Variants in XDH observed in about 807,000 individuals in gnomAD.
XDH encodes xanthine dehydrogenase, also known as xanthine dehydrogenase/oxidase.
In XDH, 138 loss-of-function variants were observed where a neutral mutation model predicts 156.1. That is an observed-to-expected ratio of 0.88 (90% CI 0.77 to 1.02). The LOEUF is 1.02. Among genes scored for constraint, XDH ranks in the 50% least tolerant of loss-of-function variants. XDH has a pLI of 0.00. For missense variants in XDH, 1,849 were observed against 1,684.9 expected (o/e 1.10, Z -1.71); for synonymous variants, 669 against 625.7 (o/e 1.07, Z -1.03).
At chr2:31,398,757 A>G in intron 4 of XDH, 58 bp from the exon 5 acceptor site, 2 of 1,608,258 alleles carry the variant, frequency 1.2e-6, no homozygotes, top group South Asian at 2.2e-5. Flanking sequence ...AGGCTCCCCA[A>G]AGGACTCGAC....
intron 30 of XDH, among the ~76,000 whole-genome samples, chr2:31,345,296 G>T (rs908157685): frequency 6.6e-5 from 10 of 151,996 alleles, no homozygotes; most frequent in African/African-American, 2.2e-4. Context: ...TCCCTAACTG[G>T]CCATTATAAA....
chr2:31,386,702 C>T (rs1310637736), intron 8 of XDH, 147 bp from the exon 9 acceptor site: 2 of 1,105,698 alleles, frequency 1.8e-6, no homozygotes, highest in Admixed American at 4.0e-5. Flanking sequence ...GTAATATGTT[C>T]AGAGGCAGGA....
intron 24 of XDH, among the ~76,000 whole-genome samples, chr2:31,358,367 A>G (rs941008525): frequency 2.6e-5 from 4 of 152,186 alleles, no homozygotes; most frequent in Non-Finnish European, 5.9e-5. Flanking sequence ...AATTCTACAC[A>G]ATCTGTTCTA....
intron 1 of XDH, 118 bp downstream of exon 1, chr2:31,414,507 A>C: frequency 7.0e-7 from 1 of 1,434,794 alleles, no homozygotes; most frequent in East Asian, 2.3e-5. Context: ...GAGAGAGAGA[A>C]AGACAGAACA....
chr2:31,395,184 G>T (rs954418585), intron 6 of XDH, among the ~76,000 whole-genome samples: 1 of 152,028 alleles, frequency 6.6e-6, no homozygotes, highest in Non-Finnish European at 1.5e-5. Context: ...TGAAGGAGAA[G>T]TATCCTATAG....
At position 31,383,229 on chromosome 2, in the gene XDH, CTTTCCAGCAACTGG is replaced by C. The variant is rs1374905151; in HGVS notation, c.887-91_887-78del. 88 of 1,605,598 alleles carry C rather than the reference CTTTCCAGCAACTGG, an allele frequency of 5.5e-5. No homozygotes were observed. In the African/African-American group the frequency reaches 1.0e-3, roughly 19 times the overall value. ...GCTTTCATGCACAGCTCCTCTGAAG[CTTTCCAGCAACTGG>C]AGCAAGGCTGAATCAGGACTCACAG... is the stretch of plus-strand genomic sequence containing the variant. On this transcript the variant is annotated intron_variant, in intron 10 of 35. Coordinates refer to ENST00000379416, the MANE Select transcript of XDH (RefSeq NM_000379.4).
chr2:31,373,630 G>A (rs553963322), intron 16 of XDH, among the ~76,000 whole-genome samples: 1 of 152,056 alleles, frequency 6.6e-6, no homozygotes, highest in African/African-American at 2.4e-5. Flanking sequence ...AAAAAAATCT[G>A]TAAGGAAGAG....
intron 15 of XDH, among the ~76,000 whole-genome samples, chr2:31,374,968 A>G (rs1351601387): frequency 6.8e-6 from 1 of 146,902 alleles, no homozygotes. Flanking sequence ...CATACTCATC[A>G]CACTCTGCAT....
In XDH at chr2:31,337,683, C is replaced by T. The variant is rs143920171; in HGVS notation, c.3909G>A (p.Pro1303=). The change falls in exon 35 of 36, where the codon CCG becomes CCA. Residue 1303 remains proline (P), a synonymous_variant. Transcript: ENST00000379416. The part of the protein sequence containing the change: ...ELFRLDSPAT[P]EKIRNACVDK... ...CCACGCAGGCATTGCGGATCTTCTC[C>T]GGGGTGGCAGGGCTGTCTAGCCGGA... 19 of 1,614,066 alleles carry T rather than the reference C, an allele frequency of 1.2e-5. No individual in the cohort carries two copies. Among genetic ancestry groups the T allele is most frequent in the African/African-American group, 2.7e-5 (2 of 74,918 alleles).
At chr2:31,339,082 A>C (rs543440414) in intron 34 of XDH, among the ~76,000 whole-genome samples, 59 of 152,178 alleles carry the variant, frequency 3.9e-4, no homozygotes, top group Non-Finnish European at 7.1e-4. Flanking sequence ...GTGTGTACAA[A>C]GGTGCTATCC....
At chr2:31,391,892 CT>C (rs1312374614) in intron 6 of XDH, among the ~76,000 whole-genome samples, 2 of 152,118 alleles carry the variant, frequency 1.3e-5, no homozygotes, top group Non-Finnish European at 2.9e-5. Context: ...GACATAATTT[CT>C]TTTTTAAATG....
At chr2:31,348,807 G>C in intron 27 of XDH, 92 bp downstream of exon 27, 6 of 1,201,490 alleles carry the variant, frequency 5.0e-6, no homozygotes, top group South Asian at 2.5e-5. Flanking sequence ...CCTGTTACCA[G>C]TGACAACGAA....
Position 31,367,945 on chromosome 2 carries a change from C to T in XDH, c.2197+16G>A. 6.2e-7 allele frequency: 1 copy of T among 1,612,952 alleles called. No individual in the cohort carries two copies. The highest frequency in any genetic ancestry group is 8.5e-7 in the Non-Finnish European group (1 of 1,178,932). ...CAGGGCCACCCCATTCCCACTGCGG[C>T]ATGGAACAGCTCTACCTGACACAAC... On this transcript the variant is annotated intron_variant, in intron 20 of 35. Transcript: ENST00000379416.
intron 7 of XDH, 73 bp from the exon 8 acceptor site, chr2:31,387,970 T>C: frequency 1.3e-6 from 2 of 1,491,024 alleles, no homozygotes; most frequent in Non-Finnish European, 1.8e-6. Flanking sequence ...CAATTCAGCC[T>C]TTCCTTCCAG....
chr2:31,385,414 C>T (rs920896700), intron 9 of XDH, among the ~76,000 whole-genome samples: 1 of 152,182 alleles, frequency 6.6e-6, no homozygotes, highest in African/African-American at 2.4e-5. Flanking sequence ...TCCATTCTGA[C>T]TCCATCAGCA....
At position 31,337,665 on chromosome 2, in the gene XDH, G is replaced by C. The variant is rs1685001574; in HGVS notation, c.3927C>G (p.Ala1309=). Residue 1309 remains alanine, a synonymous_variant, in exon 35 of 36, where the codon GCC becomes GCG. Coordinates refer to ENST00000379416, the MANE Select transcript of XDH (RefSeq NM_000379.4). ...SPATPEKIRN[A]CVDKFTTLCV... ...CCAGGGTGGTGAACTTGTCCACGCA[G>C]GCATTGCGGATCTTCTCCGGGGTGG... The C allele has an allele frequency of 1.9e-6, 3 of 1,614,206 alleles. No homozygotes were observed. The highest frequency in any genetic ancestry group is 1.7e-6 in the Non-Finnish European group (2 of 1,180,042).
chr2:31,343,640 T>C lies in XDH; in HGVS notation c.3404+1044A>G, dbSNP rs571371922. ...ATATATATGGCATAGAAATGTTTTG[T>C]GTGTGTACATATGTTTATACAGATA... On this transcript the variant is annotated intron_variant, in intron 31 of 35. Transcript: ENST00000379416. 3.5e-5 allele frequency among the ~76,000 whole-genome samples: 5 copies of C among 140,878 alleles called. No homozygotes were observed. In the East Asian group the frequency reaches 1.0e-3, roughly 30 times the overall value. 92.4% of individuals were successfully genotyped at this position (140,878 alleles called of 152,430 possible). A position where few individuals can be genotyped will look rare whatever the true frequency, so the allele number is the denominator to read the frequency against.
At chr2:31,349,404 C>T (rs1685395071) in intron 26 of XDH, among the ~76,000 whole-genome samples, 1 of 152,108 alleles carries the variant, frequency 6.6e-6, no homozygotes, top group African/African-American at 2.4e-5. Flanking sequence ...ACGTGTTAGT[C>T]CTAGGCCAGT....
rs45451200 is a variant in XDH at position 31,367,358 on chromosome 2, G to T, written c.2198-364C>A. 4.6e-3 allele frequency among the ~76,000 whole-genome samples: 705 copies of T among 152,338 alleles called. 5 individuals carry two copies. Among genetic ancestry groups the T allele is most frequent in the South Asian group, 0.019 (90 of 4,822 alleles). On this transcript the variant is annotated intron_variant, in intron 20 of 35. Transcript: ENST00000379416. ...TGTGATTGAAACACTGAAAACCAGC[G>T]CATGTTCCCGAACCTAAGCTACCAG...
Sources: gnomAD v4.1 joint callset for allele counts (sites outside exome capture counted in the v4.1 genomes callset) on GRCh38, gnomAD v4.1.1 for gene constraint, MANE v1.5 for transcripts, NCBI Gene and HGNC (gene_info 2026-07-23, HGNC 2026-07-21) for gene names.